The following NKAIN3 variants were observed in gnomAD, a reference collection of about 807,000 sequenced individuals.
NKAIN3 encodes the protein sodium/potassium transporting ATPase interacting 3.
A neutral mutation model predicts 30.2 loss-of-function variants in NKAIN3; 25 were observed. The ratio of observed to expected loss-of-function variants is 0.83; its 90% CI spans 0.60 to 1.16. NKAIN3 has a LOEUF of 1.16. Among genes scored for constraint, NKAIN3 ranks in the 50% most tolerant of loss-of-function variants. The probability of loss-of-function intolerance (pLI) is 0.00; values close to 1 mark genes in which losing one functional copy is unlikely to be tolerated. For missense variants in NKAIN3, 225 were observed against 254.1 expected (o/e 0.89, Z 0.78); for synonymous variants, 91 against 89.6 (o/e 1.02, Z -0.09).
chr8:62,272,686 G>A (rs553800070), intron 1 of NKAIN3, among the ~76,000 whole-genome samples: 4 of 152,204 alleles, frequency 2.6e-5, no homozygotes, highest in South Asian at 4.2e-4. Context: ...TCTTGAGGGC[G>A]CTATGCAGGT....
Position 62,968,248 on chromosome 8 carries a change from T to C in NKAIN3, c.*2841T>C, listed in dbSNP as rs1420967765. 6.6e-6 allele frequency among the ~76,000 whole-genome samples: 1 copy of C among 152,188 alleles called. No homozygotes were observed. The highest frequency in any genetic ancestry group is 6.5e-5 in the Admixed American group (1 of 15,276). On this transcript the variant is annotated 3_prime_UTR_variant, in exon 7 of 7. Coordinates refer to ENST00000623646, the MANE Select transcript of NKAIN3 (RefSeq NM_001304533.3). ...AAAGGGAAAAAAAGAAGTGCAGAGT[T>C]GTACAGTAATACTTGGCAATTACCC...
intron 3 of NKAIN3, among the ~76,000 whole-genome samples, chr8:62,653,572 G>A (rs755451422): frequency 2.0e-5 from 3 of 152,164 alleles, no homozygotes; most frequent in Non-Finnish European, 4.4e-5. Flanking sequence ...GGATGCATAA[G>A]CAAGTTATTG....
At chr8:62,512,546 G>A (rs1245433961) in intron 1 of NKAIN3, among the ~76,000 whole-genome samples, 1 of 152,092 alleles carries the variant, frequency 6.6e-6, no homozygotes, top group African/African-American at 2.4e-5. Context: ...GTTATTTATT[G>A]TGTTTTTTCA....
chr8:62,670,830 T>G lies in NKAIN3; in HGVS notation c.274-76102T>G, dbSNP rs144471104. Among the ~76,000 whole-genome samples the G allele has an allele frequency of 3.4e-3, 514 of 151,016 alleles. 18 individuals carry two copies. In the East Asian group the frequency reaches 0.051, roughly 15 times the overall value. On this transcript the variant is annotated intron_variant, in intron 3 of 6. Transcript: ENST00000623646. ...TGTGGTATGGGGGTCCAAAACAAGT[T>G]AAAGTATGGAAATGGATTTCTGTTT... is the stretch of plus-strand genomic sequence containing the variant.
At chr8:62,271,575 G>A (rs200892638) in intron 1 of NKAIN3, among the ~76,000 whole-genome samples, 1 of 152,140 alleles carries the variant, frequency 6.6e-6, no homozygotes, top group East Asian at 1.9e-4. Flanking sequence ...CATAATGCTG[G>A]AGTTTCACAT....
downstream of NKAIN3, among the ~76,000 whole-genome samples, chr8:62,989,251 G>A (rs968082455): frequency 6.6e-6 from 1 of 152,164 alleles, no homozygotes; most frequent in African/African-American, 2.4e-5. Flanking sequence ...CCTTTACAGA[G>A]GTGCACCACC....
intron 6 of NKAIN3, among the ~76,000 whole-genome samples, chr8:62,958,291 C>T (rs774096369): frequency 3.9e-5 from 6 of 152,056 alleles, no homozygotes; most frequent in African/African-American, 1.4e-4. Flanking sequence ...CTAAAGCTAT[C>T]GAGATGCTTT....
Position 62,982,572 on chromosome 8 carries a change from T to C in NKAIN3, c.*17165T>C, listed in dbSNP as rs1270415228. The C allele has an allele frequency of 6.6e-6, 1 of 152,180 alleles. No individual in the cohort carries two copies. Among genetic ancestry groups the C allele is most frequent in the Non-Finnish European group, 1.5e-5 (1 of 68,032 alleles). The allele number at this position is 152,180 out of a possible 1,614,324, so 9.4% of individuals were successfully genotyped here. ...TCATGCATGTTCTGAATAGGAGCTA[T>C]GGTATAATGAGATGCTATCTCTGGA... On this transcript the variant is annotated 3_prime_UTR_variant, in exon 7 of 7. Coordinates refer to ENST00000623646, the MANE Select transcript of NKAIN3 (RefSeq NM_001304533.3).
intron 3 of NKAIN3, among the ~76,000 whole-genome samples, chr8:62,640,180 G>A (rs532666684): frequency 4.8e-4 from 73 of 152,238 alleles, no homozygotes; most frequent in African/African-American, 1.7e-3. Flanking sequence ...GCCTGATATG[G>A]TTTGGCTTTG....
At chr8:62,898,530 G>A (rs1821507835) in intron 4 of NKAIN3, among the ~76,000 whole-genome samples, 1 of 152,116 alleles carries the variant, frequency 6.6e-6, no homozygotes. Flanking sequence ...GGGATACAGA[G>A]TGGTATAGTG....
intron 4 of NKAIN3, among the ~76,000 whole-genome samples, chr8:62,815,605 A>G (rs961058409): frequency 2.6e-5 from 4 of 152,176 alleles, no homozygotes; most frequent in African/African-American, 7.2e-5. Flanking sequence ...TATAAACAGA[A>G]CCAAAGACAA....
At chr8:62,844,278 G>A (rs4604421) in intron 4 of NKAIN3, among the ~76,000 whole-genome samples, 91,674 of 151,890 alleles carry the variant, frequency 0.6, 28,484 homozygotes, top group Non-Finnish European at 0.7. Flanking sequence ...GAGCATAATG[G>A]GGGAACTCTC....
chr8:62,341,603 T>C (rs2129590986), intron 1 of NKAIN3, among the ~76,000 whole-genome samples: 1 of 152,174 alleles, frequency 6.6e-6, no homozygotes, highest in Middle Eastern at 3.4e-3. Flanking sequence ...TTCAATAAAA[T>C]GCCTTTAACC....
At chr8:62,845,046 G>A (rs114948908) in intron 4 of NKAIN3, among the ~76,000 whole-genome samples, 1,859 of 151,510 alleles carry the variant, frequency 0.012, 36 homozygotes, top group African/African-American at 0.038. Context: ...GTATGCAACC[G>A]TAAATCATCA....
chr8:62,703,503 T>C (rs1255869869), intron 3 of NKAIN3, among the ~76,000 whole-genome samples: 1 of 152,216 alleles, frequency 6.6e-6, no homozygotes, highest in Non-Finnish European at 1.5e-5. Flanking sequence ...TTTATTCCAA[T>C]TTAATTACTA....
intron 4 of NKAIN3, among the ~76,000 whole-genome samples, chr8:62,822,416 G>A (rs1241457035): frequency 1.3e-5 from 2 of 152,098 alleles, no homozygotes; most frequent in Non-Finnish European, 2.9e-5. Context: ...TACCTTAACA[G>A]TCTGACCCGC....
chr8:62,719,920 C>G (rs1054344555), intron 3 of NKAIN3, among the ~76,000 whole-genome samples: 1 of 151,882 alleles, frequency 6.6e-6, no homozygotes, highest in Non-Finnish European at 1.5e-5. Flanking sequence ...CCACGCCTGG[C>G]TAATTTTTTT....
intron 1 of NKAIN3, among the ~76,000 whole-genome samples, chr8:62,550,090 A>G (rs1207228455): frequency 2.0e-5 from 3 of 152,080 alleles, no homozygotes; most frequent in Non-Finnish European, 4.4e-5. Context: ...ATGGGTCCAC[A>G]TTTGACTGCT....
intron 3 of NKAIN3, among the ~76,000 whole-genome samples, chr8:62,724,951 C>T (rs925804951): frequency 6.6e-6 from 1 of 151,974 alleles, no homozygotes; most frequent in Non-Finnish European, 1.5e-5. Flanking sequence ...CTTTAGGAAC[C>T]TCTGAACTGT....
Sources: allele counts gnomAD v4.1 joint callset (sites outside exome capture counted in the v4.1 genomes callset), GRCh38; gene constraint gnomAD v4.1.1; transcripts MANE v1.5; gene names NCBI Gene and HGNC (gene_info 2026-07-23, HGNC 2026-07-21).